Variants in CNKSR2 observed in about 807,000 individuals in gnomAD.
CNKSR2 encodes connector enhancer of kinase suppressor of Ras 2.
In CNKSR2, 14 loss-of-function variants were observed where a neutral mutation model predicts 84.4. The ratio of observed to expected loss-of-function variants is 0.17; its 90% confidence interval spans 0.11 to 0.26. The LOEUF (loss-of-function observed/expected upper bound fraction) is 0.26. Ranked by LOEUF, CNKSR2 falls within the 10% of genes least tolerant of loss-of-function variation. The pLI is 1.00. For synonymous variants in CNKSR2, 275 were observed against 277.9 expected (o/e 0.99, Z 0.10); for missense variants, 485 against 771.2 (o/e 0.63, Z 4.40).
intron 17 of CNKSR2, among the ~76,000 whole-genome samples, chrX:21,596,661 T>C (rs1234432626): frequency 9.1e-6 from 1 of 109,652 alleles, no homozygotes; most frequent in Non-Finnish European, 1.9e-5. Context: ...AATACAAACA[T>C]GTTTTTTTTT....
At chrX:21,427,635 T>C (rs1056604005) in intron 2 of CNKSR2, 1 of 112,427 alleles carries the variant, frequency 8.9e-6, no homozygotes, top group African/African-American at 3.2e-5. Context: ...CTCTGATCTT[T>C]ACTGGCCTTT....
chrX:21,492,136 C>CT (rs1383816330), intron 6 of CNKSR2: 1 of 111,231 alleles, frequency 9.0e-6, no homozygotes, highest in Non-Finnish European at 1.9e-5. Context: ...AAAAGCCTGA[C>CT]TTTTTTTCTC....
intron 5 of CNKSR2, among the ~76,000 whole-genome samples, chrX:21,479,729 A>G (rs896457222): frequency 3.6e-5 from 4 of 110,874 alleles, no homozygotes; most frequent in Non-Finnish European, 5.7e-5. Context: ...ATTGGGTTGC[A>G]TAGATCAGAG....
At chrX:21,449,207 G>A (rs1394844424) in intron 4 of CNKSR2, among the ~76,000 whole-genome samples, 2 of 107,248 alleles carry the variant, frequency 1.9e-5, no homozygotes, top group African/African-American at 6.9e-5. Flanking sequence ...AGTACACTGA[G>A]GCAGGAGAAT....
chrX:21,541,773 T>G (rs1054531149), intron 11 of CNKSR2, among the ~76,000 whole-genome samples: 6 of 111,874 alleles, frequency 5.4e-5, no homozygotes, highest in African/African-American at 1.9e-4. Flanking sequence ...AAATATTTGT[T>G]TTACAGATGA....
intron 1 of CNKSR2, among the ~76,000 whole-genome samples, chrX:21,406,140 T>C (rs1194660267): frequency 9.0e-6 from 1 of 111,426 alleles, no homozygotes; most frequent in Admixed American, 9.5e-5. Context: ...TCCTATCAGA[T>C]GACCGGTGCC....
intron 8 of CNKSR2, among the ~76,000 whole-genome samples, chrX:21,508,918 A>G (rs942760596): frequency 8.9e-6 from 1 of 112,128 alleles, no homozygotes; most frequent in Admixed American, 9.5e-5. Context: ...TTATGAGTCA[A>G]TCAAGAAATT....
At chrX:21,567,894 A>G (rs763904081) in intron 13 of CNKSR2, among the ~76,000 whole-genome samples, 3 of 109,674 alleles carry the variant, frequency 2.7e-5, no homozygotes, top group South Asian at 8.0e-4. Context: ...ATTATTCTGA[A>G]TCTCATCTTT....
At chrX:21,416,777 T>A (rs2090428101) in intron 1 of CNKSR2, among the ~76,000 whole-genome samples, 1 of 111,718 alleles carries the variant, frequency 9.0e-6, no homozygotes, top group African/African-American at 3.3e-5. Context: ...TCAAGTGTAA[T>A]GTGTCCGTTT....
In CNKSR2 at chrX:21,642,801, A is replaced by G. The variant is rs1236950690; in HGVS notation, c.2693-6030A>G. 4 of 727,103 alleles carry G rather than the reference A, an allele frequency of 5.5e-6. No individual in the cohort carries two copies. In the African/African-American group the frequency reaches 9.4e-5, roughly 17 times the overall value. 59.9% of individuals were successfully genotyped at this position (727,103 alleles called of 1,213,427 possible). ...AGTAAATATCTTTCTAAAAAGAAGT[A>G]ATCAGTGCTTCTTTCTCACAAATGG... On this transcript the variant is annotated intron_variant, in intron 20 of 21. Coordinates refer to ENST00000379510, the MANE Select transcript of CNKSR2 (RefSeq NM_014927.5).
intron 20 of CNKSR2, among the ~76,000 whole-genome samples, chrX:21,634,510 C>A (rs961430678): frequency 1.3e-4 from 15 of 111,355 alleles, no homozygotes; most frequent in African/African-American, 4.9e-4. Context: ...AAGGCATTAA[C>A]ATTTAGAAGT....
chrX:21,649,127 GAGA>G, intron 21 of CNKSR2, 100 bp downstream of exon 21: 2 of 579,339 alleles, frequency 3.5e-6, no homozygotes, highest in African/African-American at 2.3e-5. Context: ...GGGGGCTGGG[GAGA>G]AGAAGAGGCA....
intron 2 of CNKSR2, among the ~76,000 whole-genome samples, chrX:21,431,561 T>A (rs1257875541): frequency 8.9e-6 from 1 of 111,976 alleles, no homozygotes; most frequent in African/African-American, 3.2e-5. Flanking sequence ...CCATTTTAAG[T>A]AAGGTGGTAA....
chrX:21,557,165 T>C (rs1399745094), intron 11 of CNKSR2, among the ~76,000 whole-genome samples: 1 of 111,063 alleles, frequency 9.0e-6, no homozygotes. Flanking sequence ...CCTAAAATGC[T>C]TATCTGAGGT....
intron 1 of CNKSR2, among the ~76,000 whole-genome samples, chrX:21,415,825 TACATATATAC>T (rs1177811201): frequency 1.3e-5 from 1 of 74,447 alleles, no homozygotes; most frequent in Non-Finnish European, 2.4e-5. Flanking sequence ...AATACATATA[TACATATATAC>T]ACACACACAC....
chrX:21,409,228 TTA>T (rs57301315), intron 1 of CNKSR2, among the ~76,000 whole-genome samples: 562 of 38,295 alleles, frequency 0.015, 5 homozygotes, highest in Non-Finnish European at 0.019. Flanking sequence ...AATGAAAAAA[TTA>T]TATATATATA....
chrX:21,579,405 A>G (rs768517191), intron 13 of CNKSR2, among the ~76,000 whole-genome samples: 2 of 111,599 alleles, frequency 1.8e-5, no homozygotes, highest in South Asian at 3.8e-4. Context: ...TAAAAATCAT[A>G]AATTATCATA....
chrX:21,468,577 G>C (rs1394791875), intron 4 of CNKSR2: 1 of 110,610 alleles, frequency 9.0e-6, no homozygotes, highest in Non-Finnish European at 1.9e-5. Flanking sequence ...AGCTCATCTT[G>C]TACGTTTCCT....
intron 20 of CNKSR2, among the ~76,000 whole-genome samples, chrX:21,638,651 G>A (rs774928964): frequency 2.3e-4 from 26 of 111,438 alleles, no homozygotes; most frequent in African/African-American, 5.8e-4. Flanking sequence ...TAAATAATAC[G>A]CCAAACAGAA....
Sources: gnomAD v4.1 joint callset for allele counts (sites outside exome capture counted in the v4.1 genomes callset) on GRCh38, gnomAD v4.1.1 for gene constraint, MANE v1.5 for transcripts, NCBI Gene and HGNC (gene_info 2026-07-23, HGNC 2026-07-21) for gene names.